UGT2B4: variants seen among roughly 807,000 people sequenced by gnomAD.
UGT2B4 encodes UDP glucuronosyltransferase family 2 member B4.
Under a neutral mutation model 49.8 loss-of-function variants are expected in UGT2B4, and 49 were observed. The ratio of observed to expected loss-of-function variants is 0.98; its 90% confidence interval spans 0.78 to 1.25. The LOEUF (loss-of-function observed/expected upper bound fraction) is 1.25, where lower values mean the gene tolerates loss of function less well. Among genes scored for constraint, UGT2B4 ranks in the 50% most tolerant of loss-of-function variants. UGT2B4 has a pLI of 0.00. For synonymous variants in UGT2B4, 246 were observed against 217.7 expected (o/e 1.13, Z -1.14); for missense variants, 729 against 627.7 (o/e 1.16, Z -1.73).
upstream of UGT2B4, among the ~76,000 whole-genome samples, chr4:69,499,314 G>T (rs185638155): frequency 1.3e-5 from 2 of 152,124 alleles, no homozygotes; most frequent in Non-Finnish European, 2.9e-5. Context: ...AGTGCAATGC[G>T]GTACAAAGAA....
At chr4:69,489,787 G>T (rs555747436) in intron 2 of UGT2B4, among the ~76,000 whole-genome samples, 1 of 152,188 alleles carries the variant, frequency 6.6e-6, no homozygotes, top group South Asian at 2.1e-4. Flanking sequence ...ATGTGTGTGT[G>T]TATGTGTGTG....
upstream of UGT2B4, among the ~76,000 whole-genome samples, chr4:69,496,438 C>T (rs1030432531): frequency 2.0e-5 from 3 of 152,166 alleles, no homozygotes; most frequent in African/African-American, 7.2e-5. Flanking sequence ...GTGAGAGGCT[C>T]ATGTTCCTGC....
intron 4 of UGT2B4, among the ~76,000 whole-genome samples, chr4:69,486,366 G>T (rs1269864378): frequency 2.6e-5 from 4 of 152,140 alleles, no homozygotes; most frequent in Non-Finnish European, 5.9e-5. Flanking sequence ...GAAAAATTCT[G>T]TGGGAGGTAA....
chr4:69,481,077 T>C (rs1577877006), intron 5 of UGT2B4, among the ~76,000 whole-genome samples, 167 bp from the exon 6 acceptor site: 1 of 55,612 alleles, frequency 1.8e-5, no homozygotes. Flanking sequence ...TCACCCCGTC[T>C]CCAGTAAAAA....
upstream of UGT2B4, among the ~76,000 whole-genome samples, chr4:69,500,647 AAGAAAGAAAGAAAG>A (rs1370060786): frequency 1.4e-5 from 2 of 141,474 alleles, no homozygotes; most frequent in Non-Finnish European, 3.2e-5. Flanking sequence ...GAAAGAAAGA[AAGAAAGAAAGAAAG>A]AAAGAAAGGA....
At chr4:69,516,741 G>A (rs1023073509) in intron 1 of UGT2B4, among the ~76,000 whole-genome samples, 2 of 152,002 alleles carry the variant, frequency 1.3e-5, no homozygotes, top group African/African-American at 4.8e-5. Flanking sequence ...CGGAGTAGCT[G>A]GGAGTACAGG....
chr4:69,496,491 G>T (rs1252668501), upstream of UGT2B4, among the ~76,000 whole-genome samples: 1 of 152,124 alleles, frequency 6.6e-6, no homozygotes, highest in Non-Finnish European at 1.5e-5. Flanking sequence ...GCTAAATGTG[G>T]TTCAAAAACT....
chr4:69,501,253 C>T (rs1437313826), intron 1 of UGT2B4, among the ~76,000 whole-genome samples: 2 of 138,280 alleles, frequency 1.4e-5, no homozygotes, highest in Admixed American at 7.6e-5. Flanking sequence ...GGGCCGGGGG[C>T]GGGTGGAAGG....
At chr4:69,518,455 G>A (rs914140244) in intron 1 of UGT2B4, 2 of 152,140 alleles carry the variant, frequency 1.3e-5, no homozygotes, top group African/African-American at 4.8e-5. Flanking sequence ...ACTGAGCAGA[G>A]TTAAAATGAC....
intron 3 of UGT2B4, among the ~76,000 whole-genome samples, chr4:69,487,872 T>A (rs937226042): frequency 3.3e-5 from 5 of 152,274 alleles, no homozygotes; most frequent in Non-Finnish European, 5.9e-5. Context: ...TATGCTTTTT[T>A]AATGTATTTT....
intron 1 of UGT2B4, among the ~76,000 whole-genome samples, chr4:69,524,374 C>G (rs927324549): frequency 5.3e-5 from 7 of 130,938 alleles, no homozygotes; most frequent in Non-Finnish European, 1.0e-4. Flanking sequence ...TTAATTTTAA[C>G]GTTGTCGTTT....
intron 1 of UGT2B4, among the ~76,000 whole-genome samples, chr4:69,519,129 A>G (rs1181371116): frequency 6.6e-6 from 1 of 152,222 alleles, no homozygotes; most frequent in Non-Finnish European, 1.5e-5. Context: ...AGGAGAACGT[A>G]GTCTCTATAA....
At chr4:69,515,557 G>GA (rs1458702687) in intron 1 of UGT2B4, among the ~76,000 whole-genome samples, 1 of 152,080 alleles carries the variant, frequency 6.6e-6, no homozygotes, top group African/African-American at 2.4e-5. Flanking sequence ...CAAAAAGCTG[G>GA]AAAAATCTCA....
Position 69,495,653 on chromosome 4 carries a change from G to C in UGT2B4, c.209C>G (p.Ser70Cys), listed in dbSNP as rs368752727. The change falls in exon 1 of 6, where the codon TCT becomes TGT. Residue 70 changes from serine to cysteine, a missense_variant. By Grantham distance (112) the Ser-to-Cys change is moderately radical. Transcript: ENST00000305107. Reference protein sequence around the residue: ...ASISFDPNSPSTLKFEVYPVS... With the variant: ...ASISFDPNSPCTLKFEVYPVS... The stretch of plus-strand genomic sequence containing the variant: ...AGGATAAACTTCAAATTTAAGAGTA[G>C]ATGGGCTGTTGGGATCGAAAGAAAT... 6.2e-7 allele frequency: 1 copy of C among 1,614,018 alleles called. No homozygotes were observed. Among genetic ancestry groups the C allele is most frequent in the East Asian group, 2.2e-5 (1 of 44,844 alleles).
At chr4:69,513,393 T>A (rs1577902130) in intron 1 of UGT2B4, among the ~76,000 whole-genome samples, 2 of 152,274 alleles carry the variant, frequency 1.3e-5, no homozygotes, top group East Asian at 1.9e-4. Flanking sequence ...CAGATGGTTG[T>A]AGGTGTGCAG....
intron 1 of UGT2B4, among the ~76,000 whole-genome samples, chr4:69,521,841 A>C (rs2109835003): frequency 6.6e-6 from 1 of 152,346 alleles, no homozygotes; most frequent in Admixed American, 6.5e-5. Context: ...AATTCTATAA[A>C]GCAGGAATTT....
chr4:69,509,425 G>A (rs2109826581), intron 1 of UGT2B4, among the ~76,000 whole-genome samples: 1 of 152,136 alleles, frequency 6.6e-6, no homozygotes, highest in Non-Finnish European at 1.5e-5. Flanking sequence ...CTTCCATAGT[G>A]TCTGCAATAT....
chr4:69,489,370 T>C (rs1194918037), intron 3 of UGT2B4, 69 bp downstream of exon 3: 49 of 1,582,780 alleles, frequency 3.1e-5, no homozygotes, highest in Non-Finnish European at 3.6e-5. Context: ...GTTTCTACAA[T>C]TGGGTTCTTT....
At position 69,482,910 on chromosome 4, in the gene UGT2B4, G is replaced by C. The variant is rs557361093; in HGVS notation, c.1311-2000C>G. Among the ~76,000 whole-genome samples, 3 of 151,764 alleles carry C rather than the reference G, an allele frequency of 2.0e-5. No homozygotes were observed. In the South Asian group the frequency reaches 6.2e-4, roughly 32 times the overall value. ...ATGTAGCAGTTGTTGGTTTAATTCT[G>C]TTGCTGTGTAGTATTTCATTGATTG... On this transcript the variant is annotated intron_variant, in intron 5 of 5. Coordinates refer to ENST00000305107, the MANE Select transcript of UGT2B4 (RefSeq NM_021139.3).
Sources: gnomAD v4.1 joint callset for allele counts (sites outside exome capture counted in the v4.1 genomes callset) on GRCh38, gnomAD v4.1.1 for gene constraint, MANE v1.5 for transcripts, NCBI Gene and HGNC (gene_info 2026-07-23, HGNC 2026-07-21) for gene names.